Variants in F10 observed in about 807,000 individuals in gnomAD.
F10 encodes the protein coagulation factor X.
F10 carries 29 observed loss-of-function variants against 37.1 expected under a neutral mutation model. The observed-to-expected ratio is 0.78, with a 90% CI of 0.58 to 1.07. The LOEUF (loss-of-function observed/expected upper bound fraction) is 1.07. F10 is among the 50% of genes least tolerant of loss of function. The pLI is 0.00. For missense variants in F10, 539 were observed against 667.9 expected, an observed-to-expected ratio of 0.81 and a Z score of 2.13; for synonymous variants, 262 against 268.6, an observed-to-expected ratio of 0.98 and a Z score of 0.24.
chr13:113,123,065 C>T, intron 1 of F10, 140 bp downstream of exon 1: 2 of 1,036,174 alleles, frequency 1.9e-6, no homozygotes, highest in Non-Finnish European at 2.9e-6. Context: ...GATGGCTGGG[C>T]TTGGCCTTTC....
rs121964943 is a variant in F10, at chr13:113,129,521, A to G, written c.140A>G (p.Glu47Gly). ...ACGAGGGCCAATTCCTTTCTTGAAG[A>G]GATGAAGAAAGGACACCTCGAAAGA... is the stretch of plus-strand genomic sequence containing the variant. ...RVTRANSFLE[E>G]MKKGHLEREC... Residue 47 changes from glutamate to glycine, a missense_variant, in exon 2 of 8, where the codon GAG becomes GGG. This residue lies in a region of F10 where 130 missense variants were observed against 120.0 expected (regional missense o/e 1.08). Coordinates refer to ENST00000375559, the MANE Select transcript of F10 (RefSeq NM_000504.4). The G allele has an allele frequency of 2.3e-5, 37 of 1,614,172 alleles. No homozygotes were observed. The highest frequency in any genetic ancestry group is 3.0e-5 in the Non-Finnish European group (35 of 1,180,016).
chr13:113,135,116 G>A (rs1046569038), intron 2 of F10, among the ~76,000 whole-genome samples: 22 of 151,836 alleles, frequency 1.4e-4, no homozygotes, highest in Non-Finnish European at 2.1e-4. Flanking sequence ...GGTGGTGTGC[G>A]CCTGTAATCC....
chr13:113,142,549 T>C (rs1595095287), intron 5 of F10, among the ~76,000 whole-genome samples: 1 of 117,876 alleles, frequency 8.5e-6, no homozygotes, highest in Non-Finnish European at 1.8e-5. Context: ...AGAATGAGAC[T>C]CTGTCTCAAA....
chr13:113,144,565 T>A lies in F10; in HGVS notation c.747+470T>A, dbSNP rs1453972187. Among the ~76,000 whole-genome samples the A allele has an allele frequency of 6.6e-6, 1 of 152,226 alleles. No homozygotes were observed. The highest frequency in any genetic ancestry group is 6.5e-5 in the Admixed American group (1 of 15,280). On this transcript the variant is annotated intron_variant, in intron 6 of 7. Transcript: ENST00000375559. This position sits in a 1 kb window ranked among gnomAD's most constrained non-coding sequence, Gnocchi z 6.4. ...GGCAAGGCCTCCATCTGCTCTTCTG[T>A]TTGACGGGAGGCAGAAAGAGTTGGT...
At chr13:113,148,391 C>G (rs201339699) in intron 7 of F10, among the ~76,000 whole-genome samples, 1 of 24,426 alleles carries the variant, frequency 4.1e-5, no homozygotes, top group Non-Finnish European at 1.4e-4. Flanking sequence ...TATATATATA[C>G]ATATATATAC....
At chr13:113,140,627 G>A in intron 4 of F10, 2 of 620,904 alleles carry the variant, frequency 3.2e-6, no homozygotes, top group East Asian at 7.1e-5. Context: ...GGGATGTGGA[G>A]TGACCGTAAT....
intron 1 of F10, among the ~76,000 whole-genome samples, chr13:113,123,528 G>A (rs896704740): frequency 5.3e-5 from 8 of 152,212 alleles, no homozygotes; most frequent in South Asian, 2.1e-4. Context: ...GCAAGCCTGG[G>A]GACAGCGGAG....
rs766812913 is a variant in F10 at position 113,149,508 on chromosome 13, A to G, written c.1458A>G (p.Pro486=). 6.2e-7 allele frequency: 1 copy of G among 1,612,926 alleles called. No individual in the cohort carries two copies. Among genetic ancestry groups the G allele is most frequent in the African/African-American group, 1.3e-5 (1 of 74,952 alleles). ...SHAPEVITSS[P]LK is the part of the protein sequence containing the mutation. ...CCCCGGAGGTCATAACGTCCTCTCCATTAAAGTGAGATCCCACTCAAGGCC... is the reference window on the plus strand; with the variant it reads ...CCCCGGAGGTCATAACGTCCTCTCCGTTAAAGTGAGATCCCACTCAAGGCC... Residue 486 remains proline, a synonymous_variant, in exon 8 of 8, where the codon CCA becomes CCG. Transcript: ENST00000375559. The surrounding 1 kb of genome is among the most constrained non-coding windows in gnomAD (Gnocchi z 7.5).
Position 113,140,917 on chromosome 13 carries a change from A to T in F10, c.371-2A>T. 6.2e-7 allele frequency: 1 copy of T among 1,614,024 alleles called. No individual in the cohort carries two copies. Among genetic ancestry groups the T allele is most frequent in the Non-Finnish European group, 8.5e-7 (1 of 1,180,036 alleles). On this transcript the variant is annotated splice_acceptor_variant, in intron 4 of 7. Transcript: ENST00000375559. LOFTEE classifies it high-confidence loss of function. ...CAGAGCCAACGTGCCTCTCCTTTGCAGTCACACGGAAGCTCTGCAGCCTGG... is the reference window on the plus strand; with the variant it reads ...CAGAGCCAACGTGCCTCTCCTTTGCTGTCACACGGAAGCTCTGCAGCCTGG...
chr13:113,141,937 C>T lies in F10; in HGVS notation c.502+887C>T, dbSNP rs2036532337. On this transcript the variant is annotated intron_variant, in intron 5 of 7. Coordinates refer to ENST00000375559, the MANE Select transcript of F10 (RefSeq NM_000504.4). The surrounding 1 kb of genome is among the most constrained non-coding windows in gnomAD (Gnocchi z 5.4). The stretch of plus-strand genomic sequence containing the variant: ...CCAGACCGTGTTCTGCCCCCGGCTA[C>T]CATGACTGTCCCCTCCAGACACAGG... Among the ~76,000 whole-genome samples, 1 of 152,236 alleles carries T rather than the reference C, an allele frequency of 6.6e-6. No homozygotes were observed. Among genetic ancestry groups the T allele is most frequent in the South Asian group, 2.1e-4 (1 of 4,830 alleles).
Position 113,129,597 on chromosome 13 carries a change from G to A in F10, c.216G>A (p.Glu72=). The A allele has an allele frequency of 3.7e-6, 6 of 1,614,222 alleles. No homozygotes were observed. Among genetic ancestry groups the A allele is most frequent in the Non-Finnish European group, 3.4e-6 (4 of 1,180,038 alleles). Residue 72 remains glutamate, a synonymous_variant, in exon 2 of 8, where the codon GAG becomes GAA. Coordinates refer to ENST00000375559, the MANE Select transcript of F10 (RefSeq NM_000504.4). ...CSYEEAREVF[E]DSDKTNEFWN... is the part of the protein sequence containing the mutation. Reference sequence around the variant, plus strand: ...ACGAAGAGGCCCGCGAGGTCTTTGAGGACAGCGACAAGACGGTAAGGGCTG... The same window carrying A: ...ACGAAGAGGCCCGCGAGGTCTTTGAAGACAGCGACAAGACGGTAAGGGCTG...
At chr13:113,134,124 A>C (rs1482256190) in intron 2 of F10, among the ~76,000 whole-genome samples, 1 of 152,194 alleles carries the variant, frequency 6.6e-6, no homozygotes, top group African/African-American at 2.4e-5. Flanking sequence ...ACAACACAAG[A>C]ATGTCCATTC....
Position 113,144,868 on chromosome 13 carries a change from T to A in F10, c.747+773T>A, listed in dbSNP as rs2036566157. Among the ~76,000 whole-genome samples, 1 of 148,548 alleles carries A rather than the reference T, an allele frequency of 6.7e-6. No homozygotes were observed. On this transcript the variant is annotated intron_variant, in intron 6 of 7. Transcript: ENST00000375559. The surrounding 1 kb of genome is among the most constrained non-coding windows in gnomAD (Gnocchi z 6.4). ...AGCTGGAATTACGGGCGCCCGCTAC[T>A]TACGCCTGGCTAATTTTTTTTTTTT...
chr13:113,143,698 G>A lies in F10; in HGVS notation c.503-153G>A, dbSNP rs750916469. Among the ~76,000 whole-genome samples, 1 of 152,134 alleles carries A rather than the reference G, an allele frequency of 6.6e-6. No homozygotes were observed. Among genetic ancestry groups the A allele is most frequent in the African/African-American group, 2.4e-5 (1 of 41,424 alleles). ...ACCTGCAGATCCGACCCCTGCCGAC[G>A]ACGTGGGGCCTCGCCCTGCAAGCCC... is the stretch of plus-strand genomic sequence containing the variant. On this transcript the variant is annotated intron_variant, in intron 5 of 7. Coordinates refer to ENST00000375559, the MANE Select transcript of F10 (RefSeq NM_000504.4). This position sits in a 1 kb window ranked among gnomAD's most constrained non-coding sequence, Gnocchi z 6.8.
intron 2 of F10, chr13:113,129,981 C>A: frequency 2.9e-6 from 1 of 343,470 alleles, no homozygotes; most frequent in Non-Finnish European, 5.7e-6. Flanking sequence ...ATCGTGCCCT[C>A]CCACGCCCGC....
In F10 at chr13:113,149,342, A is replaced by G; in HGVS notation, c.1292A>G (p.Tyr431Cys). The G allele has an allele frequency of 6.2e-7, 1 of 1,613,366 alleles. No individual in the cohort carries two copies. The highest frequency in any genetic ancestry group is 8.5e-7 in the Non-Finnish European group (1 of 1,180,008). ...CACGTCACCCGCTTCAAGGACACCT[A>G]CTTCGTGACAGGCATCGTCAGCTGG... ...GPHVTRFKDT[Y>C]FVTGIVSWGE... The change falls in exon 8 of 8, where the codon TAC (tyrosine) becomes TGC (cysteine). Residue 431 changes from tyrosine (Y) to cysteine (C), a missense_variant. Physicochemically the swap from Tyr to Cys is radical, Grantham distance 194. Around this residue, in one of 2 missense-constraint regions of F10, gnomAD observed 409 missense variants for 547.9 expected, o/e 0.75. Transcript: ENST00000375559. The surrounding 1 kb of genome is among the most constrained non-coding windows in gnomAD (Gnocchi z 7.5).
Position 113,143,818 on chromosome 13 carries a change from T to G in F10, c.503-33T>G. ...GCAGGCTATGGGGAGCCTCTCTCTG[T>G]GCTGAAGGCCCCGGCCGTCCTCTTT... On this transcript the variant is annotated intron_variant, in intron 5 of 7. Coordinates refer to ENST00000375559, the MANE Select transcript of F10 (RefSeq NM_000504.4). The surrounding 1 kb of genome is among the most constrained non-coding windows in gnomAD (Gnocchi z 6.8). The G allele has an allele frequency of 2.5e-6, 4 of 1,608,382 alleles. No homozygotes were observed. Among genetic ancestry groups the G allele is most frequent in the Non-Finnish European group, 3.4e-6 (4 of 1,179,958 alleles).
rs1793145931 is a variant in F10 at position 113,144,701 on chromosome 13, A to G, written c.747+606A>G. ...ATCTACTTATTTTCAAAGGTAAAAA[A>G]GAAAATCACTCTTTGAGGCTTTTTT... is the stretch of plus-strand genomic sequence containing the variant. On this transcript the variant is annotated intron_variant, in intron 6 of 7. Coordinates refer to ENST00000375559, the MANE Select transcript of F10 (RefSeq NM_000504.4). This position sits in a 1 kb window ranked among gnomAD's most constrained non-coding sequence, Gnocchi z 6.4. 6.6e-6 allele frequency among the ~76,000 whole-genome samples: 1 copy of G among 152,260 alleles called. No homozygotes were observed. The highest frequency in any genetic ancestry group is 2.4e-5 in the African/African-American group (1 of 41,468).
chr13:113,122,970 C>T, intron 1 of F10, 45 bp downstream of exon 1: 1 of 1,595,176 alleles, frequency 6.3e-7, no homozygotes, highest in East Asian at 2.2e-5. Flanking sequence ...CGCCAGGGAG[C>T]AGGGAGGGGC....
Sources: gnomAD v4.1 joint callset for allele counts (sites outside exome capture counted in the v4.1 genomes callset) on GRCh38, gnomAD v4.1.1 for gene constraint, gnomAD v4.1.1 regional missense constraint, Gnocchi (gnomAD v3.1) non-coding constraint, MANE v1.5 for transcripts, NCBI Gene and HGNC (gene_info 2026-07-23, HGNC 2026-07-21) for gene names.